The following ZDHHC14 variants were observed in gnomAD, a reference collection of about 807,000 sequenced individuals.
The protein encoded by ZDHHC14 is zDHHC palmitoyltransferase 14.
A neutral mutation model predicts 47.7 loss-of-function variants in ZDHHC14; 16 were observed. That is an observed-to-expected ratio of 0.34 (90% CI 0.23 to 0.51). ZDHHC14 has a LOEUF of 0.51. ZDHHC14 is among the 20% of genes least tolerant of loss of function. The pLI, the probability that ZDHHC14 is intolerant of heterozygous loss-of-function variation, is 0.97. For missense variants in ZDHHC14, 515 were observed against 662.5 expected, an observed-to-expected ratio of 0.78 and a Z score of 2.44; for synonymous variants, 293 against 278.9, an observed-to-expected ratio of 1.05 and a Z score of -0.50.
intron 2 of ZDHHC14, among the ~76,000 whole-genome samples, chr6:157,584,686 C>G (rs1315642768): frequency 6.6e-6 from 1 of 152,168 alleles, no homozygotes; most frequent in African/African-American, 2.4e-5. Context: ...CAACGGGCAG[C>G]TTCCCATCCT....
At chr6:157,493,571 C>T (rs1365233239) in intron 1 of ZDHHC14, among the ~76,000 whole-genome samples, 1 of 152,240 alleles carries the variant, frequency 6.6e-6, no homozygotes, top group Non-Finnish European at 1.5e-5. Context: ...AACCCACAGG[C>T]CCACTGCTGT....
At chr6:157,492,544 G>T (rs897722634) in intron 1 of ZDHHC14, among the ~76,000 whole-genome samples, 7 of 152,202 alleles carry the variant, frequency 4.6e-5, no homozygotes, top group African/African-American at 1.7e-4. Context: ...TCTTTTGTGC[G>T]CCAGGCATTA....
rs766198482 is a variant in ZDHHC14 at position 157,382,177 on chromosome 6, C to T, written c.156C>T (p.Asn52=). 3.1e-6 allele frequency: 5 copies of T among 1,613,608 alleles called. No homozygotes were observed. The African/African-American group carries it at 5.3e-5, about 17-fold the overall frequency. Residue 52 remains asparagine, a synonymous_variant, in exon 1 of 9, where the codon AAC becomes AAT. Transcript: ENST00000359775. The stretch of plus-strand genomic sequence containing the variant: ...CGGGAAGAAACAAGTTCTTCTGTAA[C>T]GGGAGGATCATGATGGCCCGGCAGA... ...VFPGRNKFFC[N]GRIMMARQTG... is the part of the protein sequence containing the mutation.
chr6:157,432,111 G>C (rs1778350425), intron 1 of ZDHHC14, among the ~76,000 whole-genome samples: 1 of 152,148 alleles, frequency 6.6e-6, no homozygotes, highest in Non-Finnish European at 1.5e-5. Context: ...ATCTACTGAA[G>C]GAAAAGGGCT....
intron 1 of ZDHHC14, among the ~76,000 whole-genome samples, chr6:157,420,259 G>A (rs1442628142): frequency 6.7e-6 from 1 of 149,308 alleles, no homozygotes; most frequent in Non-Finnish European, 1.5e-5. Context: ...CTGATGAGAG[G>A]AGAGAAGGTA....
chr6:157,419,552 A>G (rs959596385), intron 1 of ZDHHC14, among the ~76,000 whole-genome samples: 4 of 152,204 alleles, frequency 2.6e-5, no homozygotes, highest in African/African-American at 9.7e-5. Flanking sequence ...TAGAGTTGGG[A>G]TCATGCAAGA....
At chr6:157,556,376 C>T (rs1448754149) in intron 2 of ZDHHC14, among the ~76,000 whole-genome samples, 1 of 152,208 alleles carries the variant, frequency 6.6e-6, no homozygotes, top group Non-Finnish European at 1.5e-5. Context: ...CCAGAGGCTA[C>T]TGTGATTCCC....
intron 1 of ZDHHC14, among the ~76,000 whole-genome samples, chr6:157,414,927 T>C (rs1471701245): frequency 6.6e-6 from 1 of 151,984 alleles, no homozygotes; most frequent in Non-Finnish European, 1.5e-5. Context: ...CGAGACATTT[T>C]GAGAACATTT....
At position 157,463,041 on chromosome 6, in the gene ZDHHC14, A is replaced by C. The variant is rs1779130664; in HGVS notation, c.246-79544A>C. On this transcript the variant is annotated intron_variant, in intron 1 of 8. Coordinates refer to ENST00000359775, the MANE Select transcript of ZDHHC14 (RefSeq NM_024630.3). The surrounding 1 kb of genome is among the most constrained non-coding windows in gnomAD (Gnocchi z 4.4). ...GCTAGGAGTCAGTCTCTTTTCCAGA[A>C]AGATTCTTATGTCGGCTGAGTTCAA... Among the ~76,000 whole-genome samples the C allele has an allele frequency of 6.6e-6, 1 of 152,272 alleles. No individual in the cohort carries two copies. Among genetic ancestry groups the C allele is most frequent in the Admixed American group, 6.5e-5 (1 of 15,288 alleles).
chr6:157,504,437 C>A (rs1159649319), intron 1 of ZDHHC14, among the ~76,000 whole-genome samples: 1 of 148,878 alleles, frequency 6.7e-6, no homozygotes, highest in African/African-American at 2.5e-5. Context: ...CGTGAGCCAC[C>A]GCACCCAGCC....
chr6:157,575,129 C>T (rs1187831342), intron 2 of ZDHHC14, among the ~76,000 whole-genome samples: 9 of 152,144 alleles, frequency 5.9e-5, no homozygotes, highest in Admixed American at 1.3e-4. Context: ...TGGAAGCAGG[C>T]GGGGTTTCTA....
In ZDHHC14 at chr6:157,627,661, C is replaced by T. The variant is rs528984016; in HGVS notation, c.566-688C>T. On this transcript the variant is annotated intron_variant, in intron 3 of 8. Coordinates refer to ENST00000359775, the MANE Select transcript of ZDHHC14 (RefSeq NM_024630.3). The stretch of plus-strand genomic sequence containing the variant: ...GGCATGGACAGTAAGAAGATGGGAG[C>T]AGCTCTGAAAGGCATGGCCTCAAGT... Among the ~76,000 whole-genome samples, 23 of 152,292 alleles carry T rather than the reference C, an allele frequency of 1.5e-4. 1 individual carries two copies. In the South Asian group the frequency reaches 4.8e-3, roughly 32 times the overall value.
chr6:157,640,014 C>G (rs1307681214), intron 5 of ZDHHC14, among the ~76,000 whole-genome samples: 2 of 152,176 alleles, frequency 1.3e-5, no homozygotes, highest in Admixed American at 6.5e-5. Context: ...GGAAATGTTA[C>G]CTGTCAGGTG....
rs558253549 is a variant in ZDHHC14 at position 157,455,951 on chromosome 6, C to A, written c.245+73685C>A. On this transcript the variant is annotated intron_variant, in intron 1 of 8. Transcript: ENST00000359775. ...AGTCGCAGTGGACCGGGTCACACCCCTTTAATCTGACTTGTGGGGGAAAGA... is the reference window on the plus strand; with the variant it reads ...AGTCGCAGTGGACCGGGTCACACCCATTTAATCTGACTTGTGGGGGAAAGA... 1.3e-4 allele frequency among the ~76,000 whole-genome samples: 20 copies of A among 152,314 alleles called. No homozygotes were observed. The East Asian group carries it at 2.9e-3, about 22-fold the overall frequency.
At chr6:157,483,197 A>G (rs1779675299) in intron 1 of ZDHHC14, among the ~76,000 whole-genome samples, 1 of 152,236 alleles carries the variant, frequency 6.6e-6, no homozygotes, top group African/African-American at 2.4e-5. Flanking sequence ...TATATCAAAT[A>G]CAGTGTGTTG....
At chr6:157,458,923 C>T (rs1219360707) in intron 1 of ZDHHC14, among the ~76,000 whole-genome samples, 14 of 129,398 alleles carry the variant, frequency 1.1e-4, no homozygotes, top group African/African-American at 3.3e-4. Context: ...GGCATTATCT[C>T]GGCTCACTGC....
intron 8 of ZDHHC14, among the ~76,000 whole-genome samples, chr6:157,668,622 C>T (rs991193720): frequency 6.6e-6 from 1 of 152,100 alleles, no homozygotes; most frequent in Non-Finnish European, 1.5e-5. Flanking sequence ...ATTGTTTGAA[C>T]CCAGGAGGCA....
At chr6:157,544,343 T>A (rs1302853364) in intron 2 of ZDHHC14, among the ~76,000 whole-genome samples, 1 of 152,218 alleles carries the variant, frequency 6.6e-6, no homozygotes, top group African/African-American at 2.4e-5. Flanking sequence ...ACAGACTTTC[T>A]GCCTTTCTTA....
chr6:157,566,342 G>A (rs532064850), intron 2 of ZDHHC14, among the ~76,000 whole-genome samples: 103 of 152,278 alleles, frequency 6.8e-4, no homozygotes, highest in African/African-American at 2.0e-3. Flanking sequence ...ACCAGAGCAC[G>A]AAGTGGCCAG....
Sources: allele counts gnomAD v4.1 joint callset (sites outside exome capture counted in the v4.1 genomes callset), GRCh38; gene constraint gnomAD v4.1.1; non-coding constraint Gnocchi (gnomAD v3.1); transcripts MANE v1.5; gene names NCBI Gene and HGNC (gene_info 2026-07-23, HGNC 2026-07-21).